The following DGKB variants were observed in gnomAD, a reference collection of about 807,000 sequenced individuals.
The protein encoded by DGKB is 90 kDa diacylglycerol kinase.
In DGKB, 67 loss-of-function variants were observed where a neutral mutation model predicts 114.3. The observed-to-expected ratio is 0.59, with a 90% confidence interval of 0.48 to 0.72. The LOEUF (loss-of-function observed/expected upper bound fraction) is 0.72, where lower values mean the gene tolerates loss of function less well. Ranked by LOEUF, DGKB falls within the 30% of genes least tolerant of loss-of-function variation. DGKB has a pLI of 0.00. For synonymous variants in DGKB, 398 were observed against 323.1 expected (o/e 1.23, Z -2.49); for missense variants, 907 against 975.2 (o/e 0.93, Z 0.93).
chr7:14,582,952 TG>T, intron 18 of DGKB, 99 bp downstream of exon 18: 1 of 821,426 alleles, frequency 1.2e-6, no homozygotes, highest in Non-Finnish European at 2.1e-6. Flanking sequence ...ATTATATCAC[TG>T]CTTCCAAAGA....
intron 20 of DGKB, among the ~76,000 whole-genome samples, chr7:14,572,341 A>C (rs551086804): frequency 2.0e-5 from 3 of 151,430 alleles, no homozygotes; most frequent in East Asian, 3.9e-4. Flanking sequence ...AGTCCCAGCT[A>C]CTCGGGAGGC....
At chr7:14,921,527 T>C (rs1784508449) in intron 1 of DGKB, among the ~76,000 whole-genome samples, 2 of 152,178 alleles carry the variant, frequency 1.3e-5, no homozygotes, top group African/African-American at 4.8e-5. Context: ...CCAAGGGTTA[T>C]TTTGCTCCCC....
At chr7:14,781,004 T>C (rs1430391309) in intron 2 of DGKB, among the ~76,000 whole-genome samples, 2 of 152,218 alleles carry the variant, frequency 1.3e-5, no homozygotes, top group African/African-American at 4.8e-5. Flanking sequence ...TTTTGATGTT[T>C]CTCTTCCTGG....
chr7:14,226,003 TAGTTTCCAAACTAGTTAGTA>T (rs1790744493), intron 23 of DGKB, among the ~76,000 whole-genome samples: 1 of 152,004 alleles, frequency 6.6e-6, no homozygotes, highest in South Asian at 2.1e-4. Flanking sequence ...ACCAATCTCC[TAGTTTCCAAACTAGTTAGTA>T]AGTTTCCATT....
At chr7:14,201,387 T>A (rs76987104) in intron 23 of DGKB, among the ~76,000 whole-genome samples, 4,659 of 151,866 alleles carry the variant, frequency 0.031, 244 homozygotes, top group African/African-American at 0.11. Context: ...TCAAAGGCAA[T>A]GAGGTAAGAA....
At chr7:14,195,738 A>G (rs1298609128) in intron 23 of DGKB, among the ~76,000 whole-genome samples, 1 of 152,178 alleles carries the variant, frequency 6.6e-6, no homozygotes, top group East Asian at 1.9e-4. Context: ...TATAAACTTA[A>G]TAATGCTGAA....
chr7:14,792,606 C>G (rs547563531), intron 2 of DGKB, among the ~76,000 whole-genome samples: 60 of 152,178 alleles, frequency 3.9e-4, no homozygotes, highest in Admixed American at 7.2e-4. Flanking sequence ...GGCAGAGAAT[C>G]AAGTGAAAAG....
At chr7:14,517,323 C>G (rs978029765) in intron 20 of DGKB, among the ~76,000 whole-genome samples, 2 of 151,932 alleles carry the variant, frequency 1.3e-5, no homozygotes, top group East Asian at 3.9e-4. Flanking sequence ...AGATTAAAGA[C>G]TTAAATGCAA....
At chr7:14,543,456 A>G (rs748402384) in intron 20 of DGKB, among the ~76,000 whole-genome samples, 12 of 152,080 alleles carry the variant, frequency 7.9e-5, no homozygotes, top group African/African-American at 1.2e-4. Context: ...AAAAAAACAA[A>G]AACAAAAAAA....
chr7:14,153,022 A>T (rs1318211451), intron 25 of DGKB, among the ~76,000 whole-genome samples: 2 of 152,108 alleles, frequency 1.3e-5, no homozygotes, highest in Non-Finnish European at 2.9e-5. Context: ...ATTTCATAAA[A>T]GGGATAGAAG....
intron 23 of DGKB, among the ~76,000 whole-genome samples, chr7:14,335,567 T>C (rs1583260225): frequency 6.6e-6 from 1 of 152,232 alleles, no homozygotes; most frequent in South Asian, 2.1e-4. Flanking sequence ...TTTCATTTCA[T>C]GTATTTTCTA....
chr7:14,207,761 T>A (rs1787069320), intron 23 of DGKB, among the ~76,000 whole-genome samples: 1 of 152,040 alleles, frequency 6.6e-6, no homozygotes, highest in Non-Finnish European at 1.5e-5. Flanking sequence ...TTTTACTCCT[T>A]TATTGTACTT....
intron 21 of DGKB, among the ~76,000 whole-genome samples, chr7:14,464,462 C>G (rs1388933976): frequency 6.6e-6 from 1 of 152,090 alleles, no homozygotes; most frequent in South Asian, 2.1e-4. Flanking sequence ...AAAGAACAAA[C>G]TGTGTCTACA....
intron 23 of DGKB, among the ~76,000 whole-genome samples, chr7:14,188,456 C>T (rs1291556382): frequency 1.7e-5 from 2 of 121,064 alleles, no homozygotes; most frequent in East Asian, 2.3e-4. Flanking sequence ...GTCAGGAGAT[C>T]GAGACCATCC....
intron 2 of DGKB, among the ~76,000 whole-genome samples, chr7:14,814,347 G>GAA (rs1464389742): frequency 1.3e-5 from 2 of 151,972 alleles, no homozygotes; most frequent in East Asian, 3.9e-4. Context: ...TAAAGTGATG[G>GAA]AAAAAAATGG....
intron 2 of DGKB, among the ~76,000 whole-genome samples, chr7:14,773,304 C>A (rs1837685056): frequency 6.6e-6 from 1 of 151,878 alleles, no homozygotes; most frequent in African/African-American, 2.4e-5. Flanking sequence ...TGGGTGTTTT[C>A]ATAGGTTGAG....
chr7:14,906,156 C>T (rs1783694858), upstream of DGKB, among the ~76,000 whole-genome samples: 1 of 151,948 alleles, frequency 6.6e-6, no homozygotes, highest in Admixed American at 6.6e-5. Flanking sequence ...AGCTCTCTCT[C>T]TACTCCCCTT....
chr7:14,727,551 A>C (rs570493987), intron 5 of DGKB, among the ~76,000 whole-genome samples: 1 of 152,220 alleles, frequency 6.6e-6, no homozygotes, highest in Non-Finnish European at 1.5e-5. Flanking sequence ...AATTTATTTC[A>C]TCTGTATTCC....
intron 2 of DGKB, among the ~76,000 whole-genome samples, chr7:14,796,691 A>AAC (rs1049189728): frequency 2.0e-5 from 3 of 151,942 alleles, no homozygotes; most frequent in African/African-American, 7.3e-5. Context: ...AGAAAGTAAA[A>AAC]AAAAAAAAAA....
Sources: allele counts gnomAD v4.1 joint callset (sites outside exome capture counted in the v4.1 genomes callset), GRCh38; gene constraint gnomAD v4.1.1; transcripts MANE v1.5; gene names NCBI Gene and HGNC (gene_info 2026-07-23, HGNC 2026-07-21).